Variants in CSMD1 observed in about 807,000 individuals in gnomAD.
The protein encoded by CSMD1 is CUB and sushi domain-containing protein 1.
In CSMD1, 213 loss-of-function variants were observed where a neutral mutation model predicts 417.5. The ratio of observed to expected loss-of-function variants is 0.51; its 90% CI spans 0.46 to 0.57. The LOEUF is 0.57. CSMD1 is among the 20% of genes least tolerant of loss of function. CSMD1 has a pLI of 0.00. For missense variants in CSMD1, 6,923 were observed against 4,529.7 expected (o/e 1.53, Z -15.17); for synonymous variants, 2,862 against 1,736.8 (o/e 1.65, Z -16.11).
chr8:3,773,516 G>T (rs1430544846), intron 5 of CSMD1, among the ~76,000 whole-genome samples: 1 of 152,048 alleles, frequency 6.6e-6, no homozygotes, highest in South Asian at 2.1e-4. Context: ...TGAACTCCTG[G>T]ACTCAAGTGA....
chr8:3,160,335 C>G (rs554160132), intron 38 of CSMD1, among the ~76,000 whole-genome samples: 11 of 152,248 alleles, frequency 7.2e-5, no homozygotes, highest in Non-Finnish European at 1.5e-4. Context: ...GTTGCCCAGG[C>G]TGGTCTCAAA....
At chr8:4,238,068 C>A (rs1038829663) in intron 3 of CSMD1, among the ~76,000 whole-genome samples, 1 of 152,088 alleles carries the variant, frequency 6.6e-6, no homozygotes, top group South Asian at 2.1e-4. Flanking sequence ...TAGGAGGCCT[C>A]AAGAGATTGT....
At chr8:4,576,345 C>A (rs912047748) in intron 2 of CSMD1, among the ~76,000 whole-genome samples, 3 of 152,260 alleles carry the variant, frequency 2.0e-5, no homozygotes, top group African/African-American at 7.2e-5. Context: ...CTCCTGCTCA[C>A]TCTTCAGGGG....
chr8:3,832,951 C>A (rs142809242), intron 5 of CSMD1, among the ~76,000 whole-genome samples: 1 of 152,078 alleles, frequency 6.6e-6, no homozygotes, highest in Non-Finnish European at 1.5e-5. Flanking sequence ...AATATTTTAA[C>A]AAGTGAATAT....
chr8:4,641,473 G>T (rs551211879), intron 1 of CSMD1, among the ~76,000 whole-genome samples: 1 of 152,088 alleles, frequency 6.6e-6, no homozygotes, highest in Non-Finnish European at 1.5e-5. Context: ...TTGGACTGAG[G>T]TTCTGTTTTC....
intron 1 of CSMD1, among the ~76,000 whole-genome samples, chr8:4,822,107 A>G (rs752320273): frequency 2.6e-5 from 4 of 152,106 alleles, no homozygotes; most frequent in Non-Finnish European, 4.4e-5. Context: ...CAGAACATTC[A>G]CATGCTTCCT....
At chr8:3,385,751 G>C (rs1205478579) in intron 18 of CSMD1, among the ~76,000 whole-genome samples, 4 of 152,028 alleles carry the variant, frequency 2.6e-5, no homozygotes, top group African/African-American at 9.7e-5. Context: ...GTAAAAAAAT[G>C]AGACATGTCT....
In CSMD1 at chr8:3,406,236, A is replaced by C. The variant is rs12543118; in HGVS notation, c.2072-15T>G. The stretch of plus-strand genomic sequence containing the variant: ...CTGACCAAATGCTGAAAGAAAAAGA[A>C]GAAGAAAAAAGGAATAAAAATACTT... On this transcript the variant is annotated splice_polypyrimidine_tract_variant and intron_variant, in intron 14 of 69. Transcript: ENST00000635120. The C allele has an allele frequency of 1.3e-6, 2 of 1,559,084 alleles. No individual in the cohort carries two copies. The highest frequency in any genetic ancestry group is 2.4e-5 in the East Asian group (1 of 42,514).
At chr8:4,532,866 G>C (rs1796903706) in intron 2 of CSMD1, among the ~76,000 whole-genome samples, 1 of 149,218 alleles carries the variant, frequency 6.7e-6, no homozygotes, top group African/African-American at 2.5e-5. Context: ...CCCCCATTCA[G>C]TCACTCCGGA....
At chr8:3,197,210 G>C (rs1340463145) in intron 33 of CSMD1, among the ~76,000 whole-genome samples, 1 of 152,008 alleles carries the variant, frequency 6.6e-6, no homozygotes, top group Non-Finnish European at 1.5e-5. Flanking sequence ...GAAGGCTAGA[G>C]ACCATGATCT....
At chr8:3,424,375 T>C (rs1265814422) in intron 12 of CSMD1, among the ~76,000 whole-genome samples, 1 of 152,212 alleles carries the variant, frequency 6.6e-6, no homozygotes, top group Non-Finnish European at 1.5e-5. Flanking sequence ...AGTTCGCACA[T>C]TGCCCAGTTA....
At chr8:3,549,472 C>A (rs937759195) in intron 10 of CSMD1, among the ~76,000 whole-genome samples, 3 of 152,180 alleles carry the variant, frequency 2.0e-5, no homozygotes, top group African/African-American at 7.2e-5. Flanking sequence ...CATGTCGCAG[C>A]AGTGAGAGAT....
intron 3 of CSMD1, among the ~76,000 whole-genome samples, chr8:4,146,713 G>A (rs560298189): frequency 2.2e-5 from 3 of 134,596 alleles, no homozygotes; most frequent in South Asian, 2.4e-4. Flanking sequence ...CCGAGTTCAC[G>A]CCATTCTCCT....
chr8:3,180,720 C>G (rs1187800141), intron 37 of CSMD1, among the ~76,000 whole-genome samples: 1 of 152,152 alleles, frequency 6.6e-6, no homozygotes, highest in Non-Finnish European at 1.5e-5. Context: ...ATGGCAACCT[C>G]TGCCTCCCAG....
chr8:4,458,809 T>C (rs1298934481), intron 2 of CSMD1, among the ~76,000 whole-genome samples: 1 of 152,190 alleles, frequency 6.6e-6, no homozygotes, highest in Non-Finnish European at 1.5e-5. Flanking sequence ...TTTTAACAAC[T>C]TTTCAATTAG....
chr8:4,337,597 T>G (rs1800241712), intron 3 of CSMD1, among the ~76,000 whole-genome samples: 1 of 152,178 alleles, frequency 6.6e-6, no homozygotes, highest in African/African-American at 2.4e-5. Flanking sequence ...CTCAAAATTC[T>G]GTGGACAGTA....
At chr8:3,948,916 G>C (rs7844739) in intron 5 of CSMD1, among the ~76,000 whole-genome samples, 5 of 151,808 alleles carry the variant, frequency 3.3e-5, no homozygotes, top group African/African-American at 4.8e-5. Context: ...ACACTGACTG[G>C]TACAAAAAGC....
intron 3 of CSMD1, among the ~76,000 whole-genome samples, chr8:4,324,820 G>C (rs1247666983): frequency 6.6e-6 from 1 of 152,164 alleles, no homozygotes; most frequent in Non-Finnish European, 1.5e-5. Context: ...TCTTGCTAGA[G>C]AACATAAGCA....
chr8:4,429,500 T>C (rs1009679407), intron 2 of CSMD1, among the ~76,000 whole-genome samples: 3 of 152,130 alleles, frequency 2.0e-5, no homozygotes, highest in Non-Finnish European at 4.4e-5. Flanking sequence ...CAGATTAGCT[T>C]ATATAATTTG....
Sources: allele counts gnomAD v4.1 joint callset (sites outside exome capture counted in the v4.1 genomes callset), GRCh38; gene constraint gnomAD v4.1.1; transcripts MANE v1.5; gene names NCBI Gene and HGNC (gene_info 2026-07-23, HGNC 2026-07-21).